Variants in DNAH6 observed in about 807,000 individuals in gnomAD.
DNAH6 encodes the protein axonemal beta dynein heavy chain 6.
Under a neutral mutation model 491.4 loss-of-function variants are expected in DNAH6, and 340 were observed. That is an observed-to-expected ratio of 0.69 (90% confidence interval 0.63 to 0.76). DNAH6 has a LOEUF of 0.76. Ranked by LOEUF, DNAH6 falls within the 30% of genes least tolerant of loss-of-function variation. DNAH6 has a pLI of 0.00. For missense variants in DNAH6, 4,443 were observed against 4,972.2 expected (o/e 0.89, Z 3.20); for synonymous variants, 1,603 against 1,686.1 (o/e 0.95, Z 1.21).
intron 63 of DNAH6, among the ~76,000 whole-genome samples, chr2:84,757,612 G>A (rs1674168407): frequency 6.6e-6 from 1 of 152,172 alleles, no homozygotes; most frequent in African/African-American, 2.4e-5. Context: ...TCAAAGAAGT[G>A]ACTAACTAAG....
chr2:84,698,593 C>G (rs1391285422), intron 47 of DNAH6, among the ~76,000 whole-genome samples: 1 of 152,220 alleles, frequency 6.6e-6, no homozygotes. Flanking sequence ...CAGGAAGCAG[C>G]TGAAATCAGG....
chr2:84,690,683 A>G (rs1394985372), intron 45 of DNAH6, among the ~76,000 whole-genome samples: 3 of 152,262 alleles, frequency 2.0e-5, no homozygotes, highest in Non-Finnish European at 4.4e-5. Context: ...AAGGACTGCC[A>G]TGTAAATAAT....
chr2:84,655,761 C>G (rs1690903864), intron 35 of DNAH6, among the ~76,000 whole-genome samples: 1 of 152,106 alleles, frequency 6.6e-6, no homozygotes, highest in Non-Finnish European at 1.5e-5. Flanking sequence ...CCCTCACCCC[C>G]AAACAGTTTC....
intron 54 of DNAH6, among the ~76,000 whole-genome samples, chr2:84,708,115 G>A (rs767832042): frequency 6.6e-6 from 1 of 152,158 alleles, no homozygotes; most frequent in African/African-American, 2.4e-5. Context: ...GGAGGAATCT[G>A]TGCTTCCTTA....
intron 49 of DNAH6, among the ~76,000 whole-genome samples, chr2:84,702,542 C>CT (rs34867074): frequency 0.046 from 6,103 of 132,462 alleles, 220 homozygotes; most frequent in Non-Finnish European, 0.067. Flanking sequence ...TTTGAACCAG[C>CT]TTTTTTTTTT....
intron 62 of DNAH6, among the ~76,000 whole-genome samples, chr2:84,740,711 G>A (rs567947225): frequency 6.6e-6 from 1 of 152,234 alleles, no homozygotes; most frequent in South Asian, 2.1e-4. Context: ...AAACAGGCTG[G>A]GACACCCCGT....
chr2:84,805,601 GT>G, intron 70 of DNAH6, 63 bp from the exon 71 acceptor site: 2 of 1,403,264 alleles, frequency 1.4e-6, no homozygotes, highest in Non-Finnish European at 1.9e-6. Flanking sequence ...ATAATTATGT[GT>G]GCTGCAAATT....
intron 14 of DNAH6, among the ~76,000 whole-genome samples, chr2:84,580,607 C>T (rs1473506793): frequency 6.6e-6 from 1 of 152,122 alleles, no homozygotes. Context: ...CACATGACTA[C>T]AAAGGTAACA....
intron 36 of DNAH6, 133 bp downstream of exon 36, chr2:84,658,607 A>G (rs1160961894): frequency 8.3e-6 from 5 of 603,300 alleles, no homozygotes; most frequent in South Asian, 2.8e-5. Context: ...ACTAATAGCT[A>G]TGATGTCATT....
Position 84,649,591 on chromosome 2 carries a change from T to G in DNAH6, c.5079-3728T>G, listed in dbSNP as rs1403854392. Among the ~76,000 whole-genome samples the G allele has an allele frequency of 5.3e-5, 8 of 152,290 alleles. No homozygotes were observed. The East Asian group carries it at 1.5e-3, about 29-fold the overall frequency. ...CAGTTCTTTCAGGACTTGAAAGCTGTTGTACCATATACTTCCCAGGTACAC... is the reference window on the plus strand; with the variant it reads ...CAGTTCTTTCAGGACTTGAAAGCTGGTGTACCATATACTTCCCAGGTACAC... On this transcript the variant is annotated intron_variant, in intron 33 of 76. Coordinates refer to ENST00000389394, the MANE Select transcript of DNAH6 (RefSeq NM_001370.2).
intron 22 of DNAH6, among the ~76,000 whole-genome samples, chr2:84,612,763 C>T (rs906737253): frequency 3.9e-5 from 6 of 152,014 alleles, no homozygotes; most frequent in African/African-American, 1.2e-4. Flanking sequence ...GTCCACCAGA[C>T]AATCCAGGAC....
chr2:84,468,278 G>A, the DNAH6 span, among the ~76,000 whole-genome samples: 1 of 152,130 alleles, frequency 6.6e-6, no homozygotes, highest in African/African-American at 2.4e-5. Flanking sequence ...AAAGACAGAA[G>A]AAGATTACTA....
intron 64 of DNAH6, among the ~76,000 whole-genome samples, chr2:84,778,648 ACACCACTATGCCTGG>A (rs1676384749): frequency 6.6e-6 from 1 of 151,910 alleles, no homozygotes; most frequent in Non-Finnish European, 1.5e-5. Flanking sequence ...CTGCAGGCAC[ACACCACTATGCCTGG>A]CTAATTTCTG....
the DNAH6 span, among the ~76,000 whole-genome samples, chr2:84,484,345 T>TTAGAAGAATAGGG: frequency 6.6e-6 from 1 of 152,206 alleles, no homozygotes; most frequent in Non-Finnish European, 1.5e-5. Flanking sequence ...CTGTACTCAA[T>TTAGAAGAATAGGG]TAGAAGAATA....
In DNAH6 at chr2:84,787,185, C is replaced by G; in HGVS notation, c.11122C>G (p.Leu3708Val). 1 of 1,525,398 alleles carries G rather than the reference C, an allele frequency of 6.6e-7. No homozygotes were observed. The highest frequency in any genetic ancestry group is 8.8e-7 in the Non-Finnish European group (1 of 1,134,830). 94.5% of individuals were successfully genotyped at this position (1,525,398 alleles called of 1,614,324 possible). Residue 3708 changes from leucine to valine, a missense_variant, in exon 68 of 77, where the codon CTT (leucine) becomes GTT (valine). By Grantham distance (32) the Leu-to-Val change is conservative. Transcript: ENST00000389394. ...TTAGGAGAGAAAGAAGTTTGGCCCC[C>G]TTGGTTGGAATATCTGCTATGAATT... is the stretch of plus-strand genomic sequence containing the variant. Reference protein sequence around the residue: ...IIQERKKFGPLGWNICYEFND... With the variant: ...IIQERKKFGPVGWNICYEFND...
At chr2:84,514,636 A>G (rs1558650042), upstream of DNAH6, among the ~76,000 whole-genome samples, 3 of 152,216 alleles carry the variant, frequency 2.0e-5, no homozygotes, top group Admixed American at 2.0e-4. Flanking sequence ...TACTTGGCAC[A>G]TAAGAAACAA....
At chr2:84,664,247 A>C (rs1047388014) in intron 37 of DNAH6, among the ~76,000 whole-genome samples, 1 of 152,182 alleles carries the variant, frequency 6.6e-6, no homozygotes, top group African/African-American at 2.4e-5. Flanking sequence ...CACACATAAC[A>C]ATATTAACGT....
At chr2:84,805,889 T>G (rs780501573) in intron 71 of DNAH6, 95 bp downstream of exon 71, 10 of 1,160,574 alleles carry the variant, frequency 8.6e-6, no homozygotes, top group Non-Finnish European at 1.2e-5. Context: ...CTGCTTATTA[T>G]GTAGACTTTT....
the DNAH6 span, among the ~76,000 whole-genome samples, chr2:84,488,183 G>A: frequency 6.6e-6 from 1 of 152,178 alleles, no homozygotes; most frequent in Non-Finnish European, 1.5e-5. Flanking sequence ...AGGTAGGTAT[G>A]TTAGTTTTCT....
Sources: allele counts gnomAD v4.1 joint callset (sites outside exome capture counted in the v4.1 genomes callset), GRCh38; gene constraint gnomAD v4.1.1; transcripts MANE v1.5; gene names NCBI Gene and HGNC (gene_info 2026-07-23, HGNC 2026-07-21).